Variants in FRMPD3 observed in about 807,000 individuals in gnomAD.
The protein encoded by FRMPD3 is FERM and PDZ domain-containing protein 3.
A neutral mutation model predicts 97.9 loss-of-function variants in FRMPD3; 42 were observed. That is an observed-to-expected ratio of 0.43 (90% confidence interval 0.34 to 0.55). The LOEUF (loss-of-function observed/expected upper bound fraction) is 0.55. FRMPD3 is among the 20% of genes least tolerant of loss of function. The pLI, the probability that FRMPD3 is intolerant of heterozygous loss-of-function variation, is 0.03. For missense variants in FRMPD3, 1,303 were observed against 1,457.7 expected, an observed-to-expected ratio of 0.89 and a Z score of 1.73; for synonymous variants, 577 against 581.1, an observed-to-expected ratio of 0.99 and a Z score of 0.10.
chrX:107,508,470 C>T (rs191162654), intron 1 of FRMPD3, among the ~76,000 whole-genome samples: 2 of 112,202 alleles, frequency 1.8e-5, no homozygotes, highest in Non-Finnish European at 3.8e-5. Context: ...TATATTTAAT[C>T]TTCACATAGG....
intron 12 of FRMPD3, among the ~76,000 whole-genome samples, chrX:107,572,905 C>CTAA (rs1178379970): frequency 0.034 from 3,408 of 101,436 alleles, 78 homozygotes; most frequent in Non-Finnish European, 0.051. Flanking sequence ...ACTACTACTA[C>CTAA]TACTAATAAT....
chrX:107,505,448 C>T (rs1305266629), intron 1 of FRMPD3, among the ~76,000 whole-genome samples: 6 of 111,971 alleles, frequency 5.4e-5, no homozygotes, highest in East Asian at 5.6e-4. Context: ...CAGTGCCTAG[C>T]GTAAAGTAGA....
At chrX:107,560,877 A>T in intron 10 of FRMPD3, 24 bp downstream of exon 10, 1 of 1,177,825 alleles carries the variant, frequency 8.5e-7, no homozygotes, top group Non-Finnish European at 1.1e-6. Flanking sequence ...ACCACTGGGC[A>T]TGGTGCTCCA....
At chrX:107,598,937 CCATAGTCA>C (rs1322324287) in intron 14 of FRMPD3, among the ~76,000 whole-genome samples, 4 of 111,459 alleles carry the variant, frequency 3.6e-5, no homozygotes, top group Admixed American at 9.5e-5. Context: ...AGACACATAC[CCATAGTCA>C]CACATATGTC....
intron 13 of FRMPD3, among the ~76,000 whole-genome samples, chrX:107,591,154 T>C: frequency 9.0e-6 from 1 of 110,530 alleles, no homozygotes; most frequent in Non-Finnish European, 1.9e-5. Context: ...TCTTTCTTTC[T>C]TTCTTTCTTT....
rs1265975752 is a variant in FRMPD3 at position 107,545,827 on chromosome X, G to A, written c.388G>A (p.Gly130Arg). Reference protein sequence around the residue: ...KVRFSEQVAVGETDAKMMKKE... With the variant: ...KVRFSEQVAVRETDAKMMKKE... ...TCGATTTTCTGAGCAGGTGGCAGTTGGAGAAACAGATGCAGTAAGTGTAGC... is the reference window on the plus strand; with the variant it reads ...TCGATTTTCTGAGCAGGTGGCAGTTAGAGAAACAGATGCAGTAAGTGTAGC... Residue 130 changes from glycine to arginine, a missense_variant, in exon 5 of 15, where the codon GGA becomes AGA. This residue lies in a region of FRMPD3 where 535 missense variants were observed against 618.6 expected (regional missense o/e 0.86). Transcript: ENST00000683843. 1 of 1,205,258 alleles carries A rather than the reference G, an allele frequency of 8.3e-7. No homozygotes were observed. The highest frequency in any genetic ancestry group is 3.0e-5 in the East Asian group (1 of 33,812).
At chrX:107,557,691 GTGTT>G (rs796885889) in intron 8 of FRMPD3, among the ~76,000 whole-genome samples, 29 of 96,274 alleles carry the variant, frequency 3.0e-4, no homozygotes, top group Admixed American at 1.1e-3. Flanking sequence ...GTGTGTGTGT[GTGTT>G]TTTTTTTGCA....
At chrX:107,459,831 C>T (rs977984980) in intron 1 of FRMPD3, among the ~76,000 whole-genome samples, 2 of 109,450 alleles carry the variant, frequency 1.8e-5, no homozygotes, top group Non-Finnish European at 3.8e-5. Flanking sequence ...GAACAGATGG[C>T]TAGATTGGTG....
At chrX:107,519,959 A>G (rs1370680569) in intron 1 of FRMPD3, among the ~76,000 whole-genome samples, 8 of 111,583 alleles carry the variant, frequency 7.2e-5, no homozygotes, top group Admixed American at 6.7e-4. Context: ...TTGAGGCTAT[A>G]GGAGAGTTTG....
intron 13 of FRMPD3, among the ~76,000 whole-genome samples, chrX:107,589,663 C>T (rs1317772180): frequency 1.8e-5 from 2 of 112,084 alleles, no homozygotes; most frequent in Non-Finnish European, 3.8e-5. Context: ...CATCTTGACC[C>T]TGCGCTGTCC....
chrX:107,535,268 T>C (rs1470756520), intron 4 of FRMPD3, among the ~76,000 whole-genome samples: 1 of 112,380 alleles, frequency 8.9e-6, no homozygotes, highest in Non-Finnish European at 1.9e-5. Flanking sequence ...ATTATATTTT[T>C]TAACTTTTCT....
At chrX:107,483,644 C>T (rs1921432066) in intron 1 of FRMPD3, among the ~76,000 whole-genome samples, 2 of 111,801 alleles carry the variant, frequency 1.8e-5, no homozygotes, top group East Asian at 2.8e-4. Flanking sequence ...CTTGGATGCT[C>T]GTTTTCTTCC....
In FRMPD3 at chrX:107,522,432, G is replaced by C. The variant is rs371913672; in HGVS notation, c.-7-4150G>C. ...AGGACGTAGAGTGCTGCTGACTGTAGGGTTGGGGCAGCTTGCAATGGAGAC... is the reference window on the plus strand; with the variant it reads ...AGGACGTAGAGTGCTGCTGACTGTACGGTTGGGGCAGCTTGCAATGGAGAC... On this transcript the variant is annotated intron_variant, in intron 1 of 14. Coordinates refer to ENST00000683843, the MANE Select transcript of FRMPD3 (RefSeq NM_001388459.1). The C allele has an allele frequency of 3.1e-5, 17 of 556,510 alleles. No individual in the cohort carries two copies. In the African/African-American group the frequency reaches 3.6e-4, roughly 12 times the overall value. The allele number at this position is 556,510 out of a possible 1,213,427, so 45.9% of individuals were successfully genotyped here. A position where few individuals can be genotyped will look rare whatever the true frequency, so the allele number is the denominator to read the frequency against.
intron 1 of FRMPD3, among the ~76,000 whole-genome samples, chrX:107,526,378 A>G (rs1804214781): frequency 9.0e-6 from 1 of 111,717 alleles, no homozygotes; most frequent in Non-Finnish European, 1.9e-5. Flanking sequence ...CCCTGAAGAC[A>G]GTAGCTTCTA....
Position 107,602,966 on chromosome X carries a change from C to G in FRMPD3, c.4927C>G (p.Arg1643Gly). ...GTTCAAGGAGCTCCGGGCCTCCTGC[C>G]GCCGTGTGGCCAATGTGGACAAGAG... is the stretch of plus-strand genomic sequence containing the variant. ...LKFKELRASC[R>G]RVANVDKSPT... Residue 1643 changes from arginine (R) to glycine (G), a missense_variant, in exon 15 of 15, where the codon CGC becomes GGC. Coordinates refer to ENST00000683843, the MANE Select transcript of FRMPD3 (RefSeq NM_001388459.1). 8.3e-7 allele frequency: 1 copy of G among 1,211,139 alleles called. No individual in the cohort carries two copies. Among genetic ancestry groups the G allele is most frequent in the Non-Finnish European group, 1.1e-6 (1 of 895,436 alleles).
At chrX:107,472,520 TAAAA>T (rs77634223) in intron 1 of FRMPD3, among the ~76,000 whole-genome samples, 1 of 95,285 alleles carries the variant, frequency 1.0e-5, no homozygotes, top group Non-Finnish European at 2.1e-5. Context: ...GAGGCTCCCA[TAAAA>T]AAAAAAAAAA....
intron 1 of FRMPD3, among the ~76,000 whole-genome samples, chrX:107,521,248 A>G (rs1922499942): frequency 8.9e-6 from 1 of 112,329 alleles, no homozygotes; most frequent in African/African-American, 3.2e-5. Flanking sequence ...CAGGCCTTCA[A>G]TGCCATAACC....
At chrX:107,512,277 A>G (rs1051205107) in intron 1 of FRMPD3, among the ~76,000 whole-genome samples, 1 of 111,414 alleles carries the variant, frequency 9.0e-6, no homozygotes, top group African/African-American at 3.3e-5. Flanking sequence ...GTCCTCTACC[A>G]GAAGACTGTC....
chrX:107,602,615 C>A lies in FRMPD3; in HGVS notation c.4576C>A (p.Pro1526Thr). Residue 1526 changes from proline to threonine, a missense_variant, in exon 15 of 15, where the codon CCT becomes ACT. Pro to Thr is a conservative substitution (Grantham distance 38). Around this residue, in one of 3 missense-constraint regions of FRMPD3, gnomAD observed 764 missense variants for 820.2 expected, o/e 0.93. Coordinates refer to ENST00000683843, the MANE Select transcript of FRMPD3 (RefSeq NM_001388459.1). ...LSYSIPMKIL[P>T]GMKLDEQVVP... ...CTACTCTATCCCCATGAAGATCCTG[C>A]CTGGCATGAAGCTGGACGAGCAGGT... 1 of 1,211,367 alleles carries A rather than the reference C, an allele frequency of 8.3e-7. No individual in the cohort carries two copies. The highest frequency in any genetic ancestry group is 1.1e-6 in the Non-Finnish European group (1 of 895,448).
Sources: allele counts gnomAD v4.1 joint callset (sites outside exome capture counted in the v4.1 genomes callset), GRCh38; gene constraint gnomAD v4.1.1; regional missense constraint gnomAD v4.1.1; transcripts MANE v1.5; gene names NCBI Gene and HGNC (gene_info 2026-07-23, HGNC 2026-07-21).